The following POFUT3 variants were observed in gnomAD, a reference collection of about 807,000 sequenced individuals.
POFUT3 encodes GDP-fucose protein O-fucosyltransferase 3.
the POFUT3 span, among the ~76,000 whole-genome samples, chr8:33,395,099 G>GT: frequency 6.6e-6 from 1 of 152,196 alleles, no homozygotes; most frequent in Non-Finnish European, 1.5e-5. Flanking sequence ...TAGGAGCACT[G>GT]TAAGAAGACT....
the POFUT3 span, among the ~76,000 whole-genome samples, chr8:33,326,683 A>C: frequency 6.6e-6 from 1 of 152,166 alleles, no homozygotes; most frequent in African/African-American, 2.4e-5. Context: ...ATTCTTTTAG[A>C]GCTTCCTTTG....
chr8:33,429,652 G>A, the POFUT3 span, among the ~76,000 whole-genome samples: 87,758 of 151,286 alleles, frequency 0.58, 25,672 homozygotes, highest in African/African-American at 0.61. Flanking sequence ...CAGGAGGTAC[G>A]AGTGCATGCA....
the POFUT3 span, among the ~76,000 whole-genome samples, chr8:33,347,292 T>C: frequency 1.3e-5 from 2 of 152,228 alleles, no homozygotes; most frequent in Admixed American, 6.5e-5. Context: ...TCATTTATTT[T>C]ATTCCCTTTT....
the POFUT3 span, among the ~76,000 whole-genome samples, chr8:33,361,867 G>A: frequency 2.0e-5 from 3 of 151,980 alleles, no homozygotes; most frequent in Middle Eastern, 3.4e-3. Context: ...CTCATTGATC[G>A]ATAGCTGTGG....
chr8:33,359,771 C>T, the POFUT3 span, among the ~76,000 whole-genome samples: 2 of 152,134 alleles, frequency 1.3e-5, no homozygotes, highest in African/African-American at 2.4e-5. Context: ...TTTGGGAGGC[C>T]GAGGTGGGCA....
chr8:33,358,047 G>A, the POFUT3 span, among the ~76,000 whole-genome samples: 2 of 152,152 alleles, frequency 1.3e-5, no homozygotes, highest in Non-Finnish European at 2.9e-5. Flanking sequence ...AGGAGCTCAA[G>A]ACCAGCCTAG....
chr8:33,435,597 A>G, the POFUT3 span, among the ~76,000 whole-genome samples: 1 of 151,728 alleles, frequency 6.6e-6, no homozygotes, highest in Non-Finnish European at 1.5e-5. Context: ...GCTCACTGCA[A>G]CCTCTGTCTC....
the POFUT3 span, among the ~76,000 whole-genome samples, chr8:33,375,000 CCTCCCAAG>C: frequency 2.6e-5 from 4 of 151,896 alleles, no homozygotes; most frequent in Non-Finnish European, 5.9e-5. Context: ...CCTGCCTCAG[CCTCCCAAG>C]TAGCTGAGAT....
chr8:33,382,907 C>T, the POFUT3 span, among the ~76,000 whole-genome samples: 2 of 152,110 alleles, frequency 1.3e-5, no homozygotes, highest in African/African-American at 4.8e-5. Context: ...CATGTGACTT[C>T]CTGCTCTAGA....
At chr8:33,319,741 T>C in the POFUT3 span, among the ~76,000 whole-genome samples, 3 of 66,274 alleles carry the variant, frequency 4.5e-5, 1 homozygote, top group African/African-American at 2.5e-4. Flanking sequence ...ATATTTTATA[T>C]ATATTTATAT....
At chr8:33,349,338 A>G in the POFUT3 span, among the ~76,000 whole-genome samples, 3 of 152,106 alleles carry the variant, frequency 2.0e-5, no homozygotes, top group Non-Finnish European at 2.9e-5. Flanking sequence ...TGTTACATAG[A>G]TAAGTTCTTT....
chr8:33,447,453 GAAA>G, the POFUT3 span, among the ~76,000 whole-genome samples: 181 of 148,372 alleles, frequency 1.2e-3, no homozygotes, highest in African/African-American at 4.1e-3. Flanking sequence ...CATCTCAAAG[GAAA>G]AAAAAAAAAA....
At chr8:33,380,030 A>ATATATATATAC in the POFUT3 span, among the ~76,000 whole-genome samples, 17 of 73,046 alleles carry the variant, frequency 2.3e-4, 1 homozygote, top group African/African-American at 1.1e-3. Flanking sequence ...TATATATACT[A>ATATATATATAC]TATATATACG....
At chr8:33,453,572 A>T in the POFUT3 span, 1 of 1,368,632 alleles carries the variant, frequency 7.3e-7, no homozygotes, top group Non-Finnish European at 1.0e-6. Flanking sequence ...CACATCTCTC[A>T]TTAATCTTGA....
the POFUT3 span, among the ~76,000 whole-genome samples, chr8:33,451,476 GTATATGCA>G: frequency 6.6e-6 from 1 of 151,394 alleles, no homozygotes; most frequent in South Asian, 2.1e-4. Flanking sequence ...ATATGTGTGT[GTATATGCA>G]TATATGCATA....
At chr8:33,368,336 C>A in the POFUT3 span, among the ~76,000 whole-genome samples, 46 of 152,254 alleles carry the variant, frequency 3.0e-4, no homozygotes, top group African/African-American at 1.0e-3. Context: ...TATCCCTTGC[C>A]GATCTCCTTA....
chr8:33,393,429 T>C, the POFUT3 span, among the ~76,000 whole-genome samples: 2 of 152,188 alleles, frequency 1.3e-5, no homozygotes, highest in East Asian at 3.8e-4. Flanking sequence ...CAACTTGGAA[T>C]ACAAATGGAA....
chr8:33,379,867 T>TATATATATACTATATATATAAC, the POFUT3 span, among the ~76,000 whole-genome samples: 1 of 125,308 alleles, frequency 8.0e-6, no homozygotes, highest in Admixed American at 9.1e-5. Context: ...ATATATATAA[T>TATATATATACTATATATATAAC]ATATATATAC....
chr8:33,457,667 A>G, the POFUT3 span, among the ~76,000 whole-genome samples: 1 of 152,204 alleles, frequency 6.6e-6, no homozygotes, highest in South Asian at 2.1e-4. Context: ...AAGTGAGAGA[A>G]TCATATTAAC....
Sources: gnomAD v4.1 joint callset for allele counts (sites outside exome capture counted in the v4.1 genomes callset) on GRCh38, gnomAD v4.1.1 for gene constraint, MANE v1.5 for transcripts, NCBI Gene and HGNC (gene_info 2026-07-23, HGNC 2026-07-21) for gene names.